PTPRT: variants seen among roughly 807,000 people sequenced by gnomAD.
The protein encoded by PTPRT is receptor-type tyrosine-protein phosphatase T.
Under a neutral mutation model 176.8 loss-of-function variants are expected in PTPRT, and 56 were observed. That is an observed-to-expected ratio of 0.32 (90% confidence interval 0.26 to 0.40). The LOEUF is 0.40. Ranked by LOEUF, PTPRT falls within the 10% of genes least tolerant of loss-of-function variation. PTPRT has a pLI of 1.00. For synonymous variants in PTPRT, 783 were observed against 739.0 expected (o/e 1.06, Z -0.96); for missense variants, 1,540 against 1,908.2 (o/e 0.81, Z 3.60).
At position 42,737,405 on chromosome 20, in the gene PTPRT, C is replaced by T. The variant is rs781100222; in HGVS notation, c.859+19057G>A. The stretch of plus-strand genomic sequence containing the variant: ...CAGCATTTTGGGAGGCCAAGGTGGG[C>T]GGATCACCTGACGTCAGGAGTCCAA... On this transcript the variant is annotated intron_variant, in intron 6 of 30. Transcript: ENST00000373187. Among the ~76,000 whole-genome samples, 7 of 152,154 alleles carry T rather than the reference C, an allele frequency of 4.6e-5. No individual in the cohort carries two copies. The South Asian group carries it at 1.5e-3, about 32-fold the overall frequency.
At chr20:43,047,503 G>A (rs745374732) in intron 1 of PTPRT, among the ~76,000 whole-genome samples, 1 of 152,016 alleles carries the variant, frequency 6.6e-6, no homozygotes, top group Non-Finnish European at 1.5e-5. Flanking sequence ...CACTCTTGGG[G>A]GGCAGGAAAA....
chr20:42,700,413 A>G (rs893075005), intron 6 of PTPRT, among the ~76,000 whole-genome samples: 3 of 150,468 alleles, frequency 2.0e-5, no homozygotes, highest in Non-Finnish European at 3.0e-5. Flanking sequence ...TGGCTTAGGA[A>G]ACAGACGCAG....
chr20:42,860,449 C>T (rs2078641730), intron 2 of PTPRT, among the ~76,000 whole-genome samples: 1 of 152,194 alleles, frequency 6.6e-6, no homozygotes, highest in African/African-American at 2.4e-5. Context: ...ATTGCTTATA[C>T]ATTTCTATTG....
chr20:42,539,361 C>CT (rs71193665), intron 7 of PTPRT, among the ~76,000 whole-genome samples: 33,617 of 134,092 alleles, frequency 0.25, 4,929 homozygotes, highest in African/African-American at 0.43. Flanking sequence ...ATCACCATCA[C>CT]TTTTTTTTTT....
At chr20:42,972,557 G>A (rs1212347247) in intron 1 of PTPRT, among the ~76,000 whole-genome samples, 1 of 151,734 alleles carries the variant, frequency 6.6e-6, no homozygotes, top group Non-Finnish European at 1.5e-5. Context: ...CAGCTACTCA[G>A]GAGGCTGAGG....
chr20:42,879,525 T>C (rs2078982678), intron 2 of PTPRT, among the ~76,000 whole-genome samples: 2 of 152,226 alleles, frequency 1.3e-5, no homozygotes, highest in Admixed American at 1.3e-4. Flanking sequence ...TTCAATTAAG[T>C]GTGACATTTA....
intron 1 of PTPRT, among the ~76,000 whole-genome samples, chr20:42,892,926 C>G (rs2145891159): frequency 6.6e-6 from 1 of 152,290 alleles, no homozygotes; most frequent in South Asian, 2.1e-4. Flanking sequence ...AGGAGCCAGG[C>G]TGGGGCCCAC....
intron 4 of PTPRT, among the ~76,000 whole-genome samples, chr20:42,776,727 AAT>A (rs2145485039): frequency 6.7e-6 from 1 of 148,920 alleles, no homozygotes; most frequent in South Asian, 2.1e-4. Flanking sequence ...CATATCATAT[AAT>A]TATATATGAT....
At chr20:42,135,536 A>G (rs1164863209) in intron 18 of PTPRT, among the ~76,000 whole-genome samples, 4 of 152,146 alleles carry the variant, frequency 2.6e-5, no homozygotes, top group African/African-American at 9.7e-5. Flanking sequence ...TATACAGACC[A>G]ATGTTTAGTG....
intron 7 of PTPRT, among the ~76,000 whole-genome samples, chr20:42,565,118 C>T (rs903987824): frequency 2.6e-5 from 4 of 152,072 alleles, no homozygotes; most frequent in Admixed American, 1.3e-4. Flanking sequence ...AGACAGCACC[C>T]GAGAAGAAGG....
chr20:42,551,998 A>G (rs1281722884), intron 7 of PTPRT, among the ~76,000 whole-genome samples: 1 of 152,124 alleles, frequency 6.6e-6, no homozygotes, highest in Non-Finnish European at 1.5e-5. Context: ...CCATCAGTCT[A>G]TAACACCAAC....
chr20:43,004,198 T>C (rs1486529343), intron 1 of PTPRT, among the ~76,000 whole-genome samples: 1 of 148,504 alleles, frequency 6.7e-6, no homozygotes, highest in Non-Finnish European at 1.5e-5. Flanking sequence ...ACTACAAATA[T>C]ATATGAAGCT....
chr20:43,148,977 G>A (rs2014258385), intron 1 of PTPRT, among the ~76,000 whole-genome samples: 1 of 152,116 alleles, frequency 6.6e-6, no homozygotes, highest in African/African-American at 2.4e-5. Context: ...TCTTACTTCT[G>A]CAAGACAAAT....
intron 9 of PTPRT, among the ~76,000 whole-genome samples, chr20:42,397,796 G>A (rs112816972): frequency 7.2e-5 from 11 of 152,272 alleles, no homozygotes; most frequent in African/African-American, 2.4e-4. Context: ...TTTCCTTTGA[G>A]TATATACCCA....
At chr20:42,285,531 C>A (rs550138873) in intron 12 of PTPRT, among the ~76,000 whole-genome samples, 1 of 152,046 alleles carries the variant, frequency 6.6e-6, no homozygotes, top group South Asian at 2.1e-4. Flanking sequence ...CAGGGAATAA[C>A]TTTAAATATA....
At position 42,815,560 on chromosome 20, in the gene PTPRT, A is replaced by G. The variant is rs187998369; in HGVS notation, c.215-24094T>C. Among the ~76,000 whole-genome samples the G allele has an allele frequency of 3.1e-3, 466 of 152,340 alleles. 5 individuals carry two copies. Among genetic ancestry groups the G allele is most frequent in the African/African-American group, 0.011 (453 of 41,584 alleles). The stretch of plus-strand genomic sequence containing the variant: ...GAAGTTGTCATCTGCTTCCTAACGC[A>G]CCTTAGGAGGTTCATCCAAGCCTGA... On this transcript the variant is annotated intron_variant, in intron 2 of 30. Coordinates refer to ENST00000373187, the MANE Select transcript of PTPRT (RefSeq NM_007050.6).
Position 42,619,906 on chromosome 20 carries a change from G to A in PTPRT, c.1153+57960C>T, listed in dbSNP as rs562767690. Among the ~76,000 whole-genome samples the A allele has an allele frequency of 6.2e-5, 9 of 144,372 alleles. No homozygotes were observed. In the South Asian group the frequency reaches 2.0e-3, roughly 32 times the overall value. 94.7% of individuals were successfully genotyped at this position (144,372 alleles called of 152,430 possible). On this transcript the variant is annotated intron_variant, in intron 7 of 30. Coordinates refer to ENST00000373187, the MANE Select transcript of PTPRT (RefSeq NM_007050.6). ...TTTGAATGTCCTCCCGTAGCTCAGA[G>A]TAATTTGATCATCTGAAGCCTTCTT... is the stretch of plus-strand genomic sequence containing the variant.
chr20:43,067,119 T>C (rs1383528809), intron 1 of PTPRT, among the ~76,000 whole-genome samples: 1 of 152,224 alleles, frequency 6.6e-6, no homozygotes, highest in Admixed American at 6.5e-5. Flanking sequence ...AATTGTGGCA[T>C]AGCCATATGA....
chr20:42,857,761 A>T (rs1460720448), intron 2 of PTPRT, among the ~76,000 whole-genome samples: 1 of 152,186 alleles, frequency 6.6e-6, no homozygotes, highest in Non-Finnish European at 1.5e-5. Flanking sequence ...ATTCACAAAC[A>T]TGCTTAGATG....
Sources: gnomAD v4.1 joint callset for allele counts (sites outside exome capture counted in the v4.1 genomes callset) on GRCh38, gnomAD v4.1.1 for gene constraint, MANE v1.5 for transcripts, NCBI Gene and HGNC (gene_info 2026-07-23, HGNC 2026-07-21) for gene names.